Variants in MYT1L observed in about 807,000 individuals in gnomAD.
The protein encoded by MYT1L is myelin transcription factor 1-like protein.
Under a neutral mutation model 126.7 loss-of-function variants are expected in MYT1L, and 12 were observed. The observed-to-expected ratio is 0.09, with a 90% confidence interval of 0.06 to 0.15. The LOEUF is 0.15. MYT1L is among the 10% of genes least tolerant of loss of function. MYT1L has a pLI of 1.00. For missense variants in MYT1L, 979 were observed against 1,585.2 expected, an observed-to-expected ratio of 0.62 and a Z score of 6.49; for synonymous variants, 541 against 604.2, an observed-to-expected ratio of 0.90 and a Z score of 1.53.
Position 1,852,592 on chromosome 2 carries a change from A to G in MYT1L, c.2712-889T>C, listed in dbSNP as rs1267098878. Among the ~76,000 whole-genome samples the G allele has an allele frequency of 6.8e-6, 1 of 146,510 alleles. No homozygotes were observed. Among genetic ancestry groups the G allele is most frequent in the Non-Finnish European group, 1.6e-5 (1 of 63,912 alleles). On this transcript the variant is annotated intron_variant, in intron 18 of 24. Transcript: ENST00000647738. The surrounding 1 kb of genome is among the most constrained non-coding windows in gnomAD (Gnocchi z 4.0). The stretch of plus-strand genomic sequence containing the variant: ...TTCTTAACTATGCTGTCTCAAGAAT[A>G]ATGAGATCACACCGCAAACACATTT...
chr2:1,809,395 C>T (rs554508023), intron 21 of MYT1L, among the ~76,000 whole-genome samples: 1 of 144,698 alleles, frequency 6.9e-6, no homozygotes, highest in African/African-American at 2.5e-5. Context: ...ATCATGGGTG[C>T]TCGGCTGGGG....
chr2:2,053,347 CACT>C (rs1341953442), intron 4 of MYT1L, among the ~76,000 whole-genome samples: 2 of 152,122 alleles, frequency 1.3e-5, no homozygotes, highest in African/African-American at 4.8e-5. Flanking sequence ...ACCATTGCAC[CACT>C]ATGTGAATAC....
At chr2:1,862,867 G>A (rs1225871833) in intron 18 of MYT1L, among the ~76,000 whole-genome samples, 1 of 152,146 alleles carries the variant, frequency 6.6e-6, no homozygotes, top group African/African-American at 2.4e-5. Context: ...AATCAAGAAG[G>A]AGAGAGGTGA....
At chr2:2,151,891 C>A (rs558797199) in intron 3 of MYT1L, among the ~76,000 whole-genome samples, 1 of 152,014 alleles carries the variant, frequency 6.6e-6, no homozygotes, top group African/African-American at 2.4e-5. Flanking sequence ...CCGGTCTCTA[C>A]TAAAAACGCA....
At chr2:2,043,777 A>G (rs1347940414) in intron 4 of MYT1L, among the ~76,000 whole-genome samples, 1 of 152,242 alleles carries the variant, frequency 6.6e-6, no homozygotes, top group Non-Finnish European at 1.5e-5. Flanking sequence ...TATCTGTTGA[A>G]TGAGTGAATG....
At position 1,793,216 on chromosome 2, in the gene MYT1L, A is replaced by C. The variant is rs1240092502; in HGVS notation, c.3277-752T>G. 6.6e-6 allele frequency among the ~76,000 whole-genome samples: 1 copy of C among 152,158 alleles called. No homozygotes were observed. Among genetic ancestry groups the C allele is most frequent in the Non-Finnish European group, 1.5e-5 (1 of 68,030 alleles). On this transcript the variant is annotated intron_variant, in intron 23 of 24. Coordinates refer to ENST00000647738, the MANE Select transcript of MYT1L (RefSeq NM_001303052.2). The surrounding 1 kb of genome is among the most constrained non-coding windows in gnomAD (Gnocchi z 4.6). ...CTCTAAGGAAAAAGGCCCACCACGG[A>C]CCCTTCCTCGCATATTCCAGAGATA...
chr2:1,887,436 A>G lies in MYT1L; in HGVS notation c.2642+52T>C. The G allele has an allele frequency of 6.2e-7, 1 of 1,612,598 alleles. No individual in the cohort carries two copies. The highest frequency in any genetic ancestry group is 8.5e-7 in the Non-Finnish European group (1 of 1,178,786). ...CAGATCCAGTTTTAAAAAATCAGCC[A>G]AAGAATGGGAAGATTAAGAAGATTC... On this transcript the variant is annotated intron_variant, in intron 17 of 24. Transcript: ENST00000647738. This position sits in a 1 kb window ranked among gnomAD's most constrained non-coding sequence, Gnocchi z 4.8.
chr2:2,329,848 T>A (rs949163605), intron 1 of MYT1L, among the ~76,000 whole-genome samples: 5 of 152,104 alleles, frequency 3.3e-5, no homozygotes, highest in African/African-American at 1.2e-4. Context: ...TTCTTTTAGG[T>A]CAATCAGAAA....
Position 1,889,562 on chromosome 2 carries a change from G to T in MYT1L, c.2284-85C>A. 1 of 1,110,976 alleles carries T rather than the reference G, an allele frequency of 9.0e-7. No individual in the cohort carries two copies. The highest frequency in any genetic ancestry group is 1.3e-6 in the Non-Finnish European group (1 of 780,780). 68.8% of individuals were successfully genotyped at this position (1,110,976 alleles called of 1,614,324 possible). ...CTTCCTCCCAGATTACAGTCCTGCC[G>T]TCAGCCAGTGTAGCGTTCAACACAG... On this transcript the variant is annotated intron_variant, in intron 15 of 24. Transcript: ENST00000647738. The surrounding 1 kb of genome is among the most constrained non-coding windows in gnomAD (Gnocchi z 4.1).
intron 3 of MYT1L, among the ~76,000 whole-genome samples, chr2:2,085,506 T>C (rs2150347008): frequency 6.6e-6 from 1 of 152,274 alleles, no homozygotes; most frequent in East Asian, 1.9e-4. Context: ...AGTTTCTCCT[T>C]CTTTGGATTC....
chr2:1,871,916 C>T (rs1310429833), intron 18 of MYT1L, among the ~76,000 whole-genome samples: 1 of 152,090 alleles, frequency 6.6e-6, no homozygotes, highest in Non-Finnish European at 1.5e-5. Context: ...CAGAGGTCAT[C>T]GCTGAGACAT....
rs193043574 is a variant in MYT1L, at chr2:2,107,823, C to T, written c.-303-53700G>A. Among the ~76,000 whole-genome samples the T allele has an allele frequency of 1.3e-3, 201 of 152,206 alleles. 1 individual carries two copies. The highest frequency in any genetic ancestry group is 4.2e-3 in the African/African-American group (173 of 41,550). ...AAGTTTCAGCATGGGAGAATAGGCG[C>T]GTGCACCCAGAAGAGCAGAAGGCGG... On this transcript the variant is annotated intron_variant, in intron 3 of 24. Coordinates refer to ENST00000647738, the MANE Select transcript of MYT1L (RefSeq NM_001303052.2).
chr2:2,011,193 A>G (rs113969185), intron 4 of MYT1L, among the ~76,000 whole-genome samples: 7 of 152,182 alleles, frequency 4.6e-5, no homozygotes, highest in African/African-American at 1.7e-4. Flanking sequence ...GTTTGAGACC[A>G]GCCTGGCCAA....
intron 8 of MYT1L, among the ~76,000 whole-genome samples, chr2:1,945,274 G>A (rs1308089273): frequency 1.3e-5 from 2 of 152,212 alleles, no homozygotes; most frequent in African/African-American, 4.8e-5. Context: ...AATGCATGTT[G>A]GATAGGTGCG....
chr2:1,916,510 T>C (rs1052863505), intron 11 of MYT1L, among the ~76,000 whole-genome samples: 3 of 152,242 alleles, frequency 2.0e-5, no homozygotes, highest in Non-Finnish European at 2.9e-5. Flanking sequence ...TTTATTGGCA[T>C]ACTTTATGTG....
chr2:2,269,074 G>A (rs930352700), intron 2 of MYT1L, among the ~76,000 whole-genome samples: 5 of 152,142 alleles, frequency 3.3e-5, no homozygotes, highest in Non-Finnish European at 7.3e-5. Flanking sequence ...TGTGTGGGGT[G>A]CACCCAGGCC....
intron 2 of MYT1L, among the ~76,000 whole-genome samples, chr2:2,235,517 C>T (rs1040945334): frequency 1.3e-5 from 2 of 152,228 alleles, no homozygotes; most frequent in Admixed American, 1.3e-4. Context: ...TCCCTTGCTC[C>T]TGGGTCTCTT....
intron 2 of MYT1L, among the ~76,000 whole-genome samples, chr2:2,180,904 G>C (rs560462491): frequency 1.7e-4 from 25 of 148,594 alleles, no homozygotes; most frequent in African/African-American, 5.8e-4. Context: ...CTCTGTGCTT[G>C]TGTATGTACC....
chr2:2,237,322 A>G (rs1170559764), intron 2 of MYT1L, among the ~76,000 whole-genome samples: 1 of 152,120 alleles, frequency 6.6e-6, no homozygotes, highest in Non-Finnish European at 1.5e-5. Context: ...ACCTGTGAGG[A>G]GCATGAATGT....
Sources: allele counts gnomAD v4.1 joint callset (sites outside exome capture counted in the v4.1 genomes callset), GRCh38; gene constraint gnomAD v4.1.1; non-coding constraint Gnocchi (gnomAD v3.1); transcripts MANE v1.5; gene names NCBI Gene and HGNC (gene_info 2026-07-23, HGNC 2026-07-21).